DCX: variants seen among roughly 807,000 people sequenced by gnomAD.
DCX encodes neuronal migration protein doublecortin.
Under a neutral mutation model 20.9 loss-of-function variants are expected in DCX, and 4 were observed. That is an observed-to-expected ratio of 0.19 (90% confidence interval 0.09 to 0.44). The LOEUF is 0.44. Among genes scored for constraint, DCX ranks in the 20% least tolerant of loss-of-function variants. The pLI, the probability that DCX is intolerant of heterozygous loss-of-function variation, is 0.99. For missense variants in DCX, 133 were observed against 296.9 expected (o/e 0.45, Z 4.06); for synonymous variants, 103 against 111.4 (o/e 0.92, Z 0.47).
intron 3 of DCX, among the ~76,000 whole-genome samples, chrX:111,349,588 G>A (rs1265081364): frequency 9.0e-6 from 1 of 111,647 alleles, no homozygotes; most frequent in Non-Finnish European, 1.9e-5. Context: ...TGACTGCCCA[G>A]TTGGTAAGGG....
In DCX at chrX:111,401,084, G is replaced by A; in HGVS notation, c.611C>T (p.Ala204Val). Residue 204 changes from alanine (A) to valine (V), a missense_variant, in exon 3 of 7, where the codon GCC (alanine) becomes GTC (valine). This residue lies in a region of DCX where 65 missense variants were observed against 212.6 expected (regional missense o/e 0.31). Coordinates refer to ENST00000636035, the MANE Select transcript of DCX (RefSeq NM_001195553.2). Reference protein sequence around the residue: ...AVRVLLNKKTAHSFEQVLTDI... With the variant: ...AVRVLLNKKTVHSFEQVLTDI... ...AGTGAGGACTTGCTCAAAAGAGTGG[G>A]CTGTCTTCTTGTTCAGAAGCACACG... 1 of 1,211,581 alleles carries A rather than the reference G, an allele frequency of 8.3e-7. No individual in the cohort carries two copies. The highest frequency in any genetic ancestry group is 1.1e-6 in the Non-Finnish European group (1 of 895,446).
intron 3 of DCX, among the ~76,000 whole-genome samples, chrX:111,337,147 G>C (rs773887884): frequency 9.0e-6 from 1 of 111,664 alleles, no homozygotes; most frequent in Admixed American, 9.5e-5. Flanking sequence ...CCATTACAAG[G>C]GGGCAACAGA....
intron 3 of DCX, among the ~76,000 whole-genome samples, chrX:111,354,791 G>T (rs1213942085): frequency 8.9e-6 from 1 of 112,800 alleles, no homozygotes; most frequent in African/African-American, 3.2e-5. Context: ...AGGCTGCTGG[G>T]ATCAGAATTC....
intron 3 of DCX, among the ~76,000 whole-genome samples, chrX:111,357,335 A>G (rs1251397241): frequency 1.8e-5 from 2 of 112,112 alleles, no homozygotes; most frequent in African/African-American, 3.2e-5. Flanking sequence ...CTTGGACTCA[A>G]TTCGTGGTTT....
At chrX:111,361,742 A>G (rs759517298) in intron 3 of DCX, among the ~76,000 whole-genome samples, 2 of 112,439 alleles carry the variant, frequency 1.8e-5, no homozygotes, top group African/African-American at 6.5e-5. Flanking sequence ...TTACAGCTAC[A>G]ATGCACAATG....
intron 5 of DCX, among the ~76,000 whole-genome samples, chrX:111,329,947 T>C (rs1921063482): frequency 8.9e-6 from 1 of 112,209 alleles, no homozygotes; most frequent in Non-Finnish European, 1.9e-5. Flanking sequence ...TTGGACCATA[T>C]AGTTTCCTTA....
chrX:111,308,132 T>C (rs1238874515), intron 6 of DCX, among the ~76,000 whole-genome samples: 1 of 112,588 alleles, frequency 8.9e-6, no homozygotes, highest in Non-Finnish European at 1.9e-5. Flanking sequence ...GATTGATATG[T>C]AGAAATACAG....
intron 3 of DCX, among the ~76,000 whole-genome samples, chrX:111,368,013 G>C (rs1395144900): frequency 8.1e-5 from 9 of 111,408 alleles, no homozygotes; most frequent in Non-Finnish European, 1.5e-4. Flanking sequence ...CAAGCCACAG[G>C]CTGCGGGGTG....
At chrX:111,306,007 G>A (rs750968472) in intron 6 of DCX, among the ~76,000 whole-genome samples, 1 of 111,168 alleles carries the variant, frequency 9.0e-6, no homozygotes, top group East Asian at 2.8e-4. Context: ...TAAAAGGCAA[G>A]CATCAAGTAA....
At chrX:111,310,135 A>G (rs1416036991) in intron 6 of DCX, among the ~76,000 whole-genome samples, 2 of 112,066 alleles carry the variant, frequency 1.8e-5, no homozygotes, top group Non-Finnish European at 3.8e-5. Context: ...AATCGAGACC[A>G]TCCTGGCTAA....
intron 3 of DCX, among the ~76,000 whole-genome samples, chrX:111,348,590 G>T (rs763027309): frequency 9.0e-6 from 1 of 110,815 alleles, no homozygotes; most frequent in Non-Finnish European, 1.9e-5. Flanking sequence ...GGACAAATTG[G>T]CTCAGAGAAA....
At chrX:111,383,598 G>A (rs1926146018) in intron 3 of DCX, among the ~76,000 whole-genome samples, 1 of 111,554 alleles carries the variant, frequency 9.0e-6, no homozygotes, top group African/African-American at 3.3e-5. Flanking sequence ...GATGTCTACA[G>A]CTCTAAAGTT....
chrX:111,344,595 A>C (rs955005588), intron 3 of DCX, among the ~76,000 whole-genome samples: 1 of 111,373 alleles, frequency 9.0e-6, no homozygotes, highest in Non-Finnish European at 1.9e-5. Context: ...TACACCAACA[A>C]TAGACAAGCA....
intron 5 of DCX, among the ~76,000 whole-genome samples, chrX:111,313,952 A>G (rs1290336095): frequency 9.1e-6 from 1 of 110,423 alleles, no homozygotes; most frequent in Admixed American, 9.7e-5. Context: ...GAAAATTGAA[A>G]ACATTAAGCA....
chrX:111,344,664 C>G (rs986420028), intron 3 of DCX, among the ~76,000 whole-genome samples: 9 of 110,861 alleles, frequency 8.1e-5, no homozygotes, highest in Non-Finnish European at 1.5e-4. Flanking sequence ...GAATAAAATA[C>G]CTAGGAATAC....
In DCX at chrX:111,382,842, A is replaced by AT. The variant is rs888479725; in HGVS notation, c.705+18147dup. 1.2e-4 allele frequency among the ~76,000 whole-genome samples: 13 copies of AT among 108,894 alleles called. No individual in the cohort carries two copies. The South Asian group carries it at 2.3e-3, about 20-fold the overall frequency. 94.6% of individuals were successfully genotyped at this position (108,894 alleles called of 115,157 possible). A position where few individuals can be genotyped will look rare whatever the true frequency, so the allele number is the denominator to read the frequency against. On this transcript the variant is annotated intron_variant, in intron 3 of 6. Coordinates refer to ENST00000636035, the MANE Select transcript of DCX (RefSeq NM_001195553.2). ...GGGCATGCATAGGGAATCATCTCACATTTTTTTTTCATTTTCTCTTCTAGG... is the reference window on the plus strand; with the variant it reads ...GGGCATGCATAGGGAATCATCTCACATTTTTTTTTTCATTTTCTCTTCTAGG...
intron 3 of DCX, among the ~76,000 whole-genome samples, chrX:111,350,415 C>T (rs1923215074): frequency 8.9e-6 from 1 of 112,122 alleles, no homozygotes; most frequent in South Asian, 3.7e-4. Context: ...GCTTCAGTCA[C>T]CCCATTGTCT....
chrX:111,394,741 G>C (rs1927202712), intron 3 of DCX, among the ~76,000 whole-genome samples: 1 of 111,705 alleles, frequency 9.0e-6, no homozygotes, highest in South Asian at 3.8e-4. Context: ...ACCCCCATTA[G>C]TAATAATCCT....
At chrX:111,349,122 G>A (rs1486234916) in intron 3 of DCX, among the ~76,000 whole-genome samples, 2 of 111,516 alleles carry the variant, frequency 1.8e-5, no homozygotes, top group African/African-American at 3.3e-5. Context: ...TTTCTATATA[G>A]TTTAGGGGGG....
Sources: allele counts gnomAD v4.1 joint callset (sites outside exome capture counted in the v4.1 genomes callset), GRCh38; gene constraint gnomAD v4.1.1; regional missense constraint gnomAD v4.1.1; transcripts MANE v1.5; gene names NCBI Gene and HGNC (gene_info 2026-07-23, HGNC 2026-07-21).